Variants in SRBD1 observed in about 807,000 individuals in gnomAD.
The protein encoded by SRBD1 is S1 RNA binding domain 1.
In SRBD1, 88 loss-of-function variants were observed where a neutral mutation model predicts 115.3. That is an observed-to-expected ratio of 0.76 (90% confidence interval 0.64 to 0.91). SRBD1 has a LOEUF of 0.91. SRBD1 is among the 40% of genes least tolerant of loss of function. The pLI is 0.00. For synonymous variants in SRBD1, 509 were observed against 407.7 expected, an observed-to-expected ratio of 1.25 and a Z score of -2.99; for missense variants, 1,385 against 1,177.4, an observed-to-expected ratio of 1.18 and a Z score of -2.58.
intron 16 of SRBD1, among the ~76,000 whole-genome samples, chr2:45,459,321 G>C (rs1669244229): frequency 6.6e-6 from 1 of 152,064 alleles, no homozygotes; most frequent in Non-Finnish European, 1.5e-5. Flanking sequence ...ATTTATAAGA[G>C]GCAGGCAATG....
chr2:45,494,021 C>A (rs1028855069), intron 14 of SRBD1, among the ~76,000 whole-genome samples: 1 of 151,686 alleles, frequency 6.6e-6, no homozygotes, highest in African/African-American at 2.4e-5. Flanking sequence ...TGTAAAAATT[C>A]AAAAAAATTA....
intron 16 of SRBD1, among the ~76,000 whole-genome samples, chr2:45,461,665 C>G (rs992836727): frequency 2.0e-5 from 3 of 152,132 alleles, no homozygotes; most frequent in East Asian, 1.9e-4. Context: ...ACTGCCCCCC[C>G]CAACTTTTAA....
chr2:45,562,502 G>A, intron 10 of SRBD1, 151 bp downstream of exon 10: 1 of 494,630 alleles, frequency 2.0e-6, no homozygotes, highest in Admixed American at 4.2e-5. Context: ...AAAGTGCTGG[G>A]ATTACAGGCG....
intron 14 of SRBD1, among the ~76,000 whole-genome samples, chr2:45,499,421 G>A (rs974330285): frequency 6.6e-6 from 1 of 152,038 alleles, no homozygotes; most frequent in African/African-American, 2.4e-5. Context: ...GTGATAGTTT[G>A]CAAATAATTT....
chr2:45,531,564 C>A (rs1277445568), intron 14 of SRBD1, among the ~76,000 whole-genome samples: 1 of 151,512 alleles, frequency 6.6e-6, no homozygotes, highest in African/African-American at 2.4e-5. Flanking sequence ...AGGAATAGAT[C>A]CAAAGACAAT....
chr2:45,508,585 T>C (rs1670867053), intron 14 of SRBD1, among the ~76,000 whole-genome samples: 1 of 152,184 alleles, frequency 6.6e-6, no homozygotes, highest in African/African-American at 2.4e-5. Flanking sequence ...AATATTATTG[T>C]AGTATATCAC....
chr2:45,583,362 T>C (rs1295345604), intron 5 of SRBD1, among the ~76,000 whole-genome samples: 2 of 152,188 alleles, frequency 1.3e-5, no homozygotes, highest in Admixed American at 6.5e-5. Flanking sequence ...GCCTACCAGG[T>C]CATTTTAACA....
At chr2:45,424,702 T>G (rs1302266294) in intron 16 of SRBD1, among the ~76,000 whole-genome samples, 1 of 152,134 alleles carries the variant, frequency 6.6e-6, no homozygotes, top group East Asian at 1.9e-4. Flanking sequence ...GTGTGATAAG[T>G]GCCCTCGTCA....
At position 45,547,727 on chromosome 2, in the gene SRBD1, A is replaced by G. The variant is rs1167404947; in HGVS notation, c.1676-115T>C. 1.2e-5 allele frequency: 9 copies of G among 748,542 alleles called. No individual in the cohort carries two copies. In the East Asian group the frequency reaches 2.5e-4, roughly 20 times the overall value. The allele number at this position is 748,542 out of a possible 1,614,324, so 46.4% of individuals were successfully genotyped here. On this transcript the variant is annotated intron_variant, in intron 12 of 20. Transcript: ENST00000263736. ...GGAGACTGGCTTGTTTTTTATAATGAAGTCTGAACTATTCATATTCACTAA... is the reference window on the plus strand; with the variant it reads ...GGAGACTGGCTTGTTTTTTATAATGGAGTCTGAACTATTCATATTCACTAA...
chr2:45,559,126 G>A (rs1672578113), intron 10 of SRBD1, among the ~76,000 whole-genome samples: 1 of 151,974 alleles, frequency 6.6e-6, no homozygotes, highest in African/African-American at 2.4e-5. Flanking sequence ...ATTCCCTATT[G>A]CTACCACCCT....
rs1672112128 is a variant in SRBD1, at chr2:45,546,111, C to A, written c.1874+621G>T. The A allele has an allele frequency of 4.2e-6, 4 of 952,338 alleles. No homozygotes were observed. In the South Asian group the frequency reaches 1.9e-4, roughly 46 times the overall value. 59.0% of individuals were successfully genotyped at this position (952,338 alleles called of 1,614,324 possible). The stretch of plus-strand genomic sequence containing the variant: ...TATAGTTTGGAAAAGGAAGACATGA[C>A]TATTGAGATCCAAAGAGGAAGTAGG... On this transcript the variant is annotated intron_variant, in intron 14 of 20. Coordinates refer to ENST00000263736, the MANE Select transcript of SRBD1 (RefSeq NM_018079.5).
At chr2:45,506,211 T>A (rs1165982202) in intron 14 of SRBD1, among the ~76,000 whole-genome samples, 1 of 152,138 alleles carries the variant, frequency 6.6e-6, no homozygotes, top group Non-Finnish European at 1.5e-5. Context: ...CAGTATATGA[T>A]TAATAATACA....
chr2:45,597,544 A>G (rs1016854747), intron 4 of SRBD1, among the ~76,000 whole-genome samples: 1 of 152,228 alleles, frequency 6.6e-6, no homozygotes, highest in African/African-American at 2.4e-5. Flanking sequence ...GAAGCAAGAA[A>G]ATCTTATCTG....
At chr2:45,494,688 T>G (rs116835062) in intron 14 of SRBD1, among the ~76,000 whole-genome samples, 1 of 152,188 alleles carries the variant, frequency 6.6e-6, no homozygotes, top group Non-Finnish European at 1.5e-5. Context: ...TCATGATCAC[T>G]AAGGCATAAC....
chr2:45,578,765 G>C (rs1175495979), intron 7 of SRBD1, among the ~76,000 whole-genome samples: 1 of 152,154 alleles, frequency 6.6e-6, no homozygotes, highest in Non-Finnish European at 1.5e-5. Flanking sequence ...AAAAAGACTA[G>C]AGTTCTAACA....
chr2:45,562,988 CAAG>C (rs1044356766), intron 9 of SRBD1, among the ~76,000 whole-genome samples: 1 of 152,122 alleles, frequency 6.6e-6, no homozygotes, highest in African/African-American at 2.4e-5. Context: ...AACACATTTA[CAAG>C]AAGAGACTTT....
intron 14 of SRBD1, among the ~76,000 whole-genome samples, chr2:45,509,895 C>T (rs938022671): frequency 2.0e-5 from 3 of 152,052 alleles, no homozygotes; most frequent in African/African-American, 7.2e-5. Flanking sequence ...CCACCATGTC[C>T]ATCTAATTTT....
chr2:45,606,105 CA>C (rs1266789077), intron 1 of SRBD1, among the ~76,000 whole-genome samples: 2 of 149,966 alleles, frequency 1.3e-5, no homozygotes, highest in Non-Finnish European at 3.0e-5. Flanking sequence ...CAGCCCCTTA[CA>C]AAGTCCTTTA....
At chr2:45,534,554 T>C (rs985400439) in intron 14 of SRBD1, among the ~76,000 whole-genome samples, 51 of 151,966 alleles carry the variant, frequency 3.4e-4, no homozygotes, top group African/African-American at 1.2e-3. Context: ...TTAGTTTTAA[T>C]ATCCAGAAAA....
Sources: allele counts gnomAD v4.1 joint callset (sites outside exome capture counted in the v4.1 genomes callset), GRCh38; gene constraint gnomAD v4.1.1; transcripts MANE v1.5; gene names NCBI Gene and HGNC (gene_info 2026-07-23, HGNC 2026-07-21).